Variants in RGS7 observed in about 807,000 individuals in gnomAD.
RGS7 encodes the protein regulator of G-protein signaling 7.
Under a neutral mutation model 81.1 loss-of-function variants are expected in RGS7, and 27 were observed. That is an observed-to-expected ratio of 0.33 (90% CI 0.25 to 0.46). The LOEUF (loss-of-function observed/expected upper bound fraction) is 0.46. RGS7 is among the 20% of genes least tolerant of loss of function. RGS7 has a pLI of 1.00. For missense variants in RGS7, 396 were observed against 607.4 expected, an observed-to-expected ratio of 0.65 and a Z score of 3.66; for synonymous variants, 208 against 207.7, an observed-to-expected ratio of 1.00 and a Z score of -0.01.
At chr1:241,350,523 G>C (rs1194496781) in intron 2 of RGS7, among the ~76,000 whole-genome samples, 2 of 152,032 alleles carry the variant, frequency 1.3e-5, no homozygotes, top group Non-Finnish European at 2.9e-5. Context: ...TCCTTTTCTA[G>C]TGCGTCTTTG....
At chr1:240,838,181 G>A (rs2147863644) in intron 9 of RGS7, among the ~76,000 whole-genome samples, 1 of 152,300 alleles carries the variant, frequency 6.6e-6, no homozygotes, top group Admixed American at 6.5e-5. Context: ...AAGATTTTGT[G>A]TTGGGTGAGG....
intron 3 of RGS7, among the ~76,000 whole-genome samples, chr1:240,998,179 G>C (rs1484004865): frequency 6.6e-6 from 1 of 152,140 alleles, no homozygotes; most frequent in Non-Finnish European, 1.5e-5. Context: ...GCTGTGGTTT[G>C]AATCATTTTT....
In RGS7 at chr1:240,933,124, T is replaced by A. The variant is rs111859159; in HGVS notation, c.334-2356A>T. Among the ~76,000 whole-genome samples the A allele has an allele frequency of 1.1e-3, 157 of 145,942 alleles. 1 individual carries two copies. The highest frequency in any genetic ancestry group is 1.5e-3 in the Non-Finnish European group (100 of 65,446). ...GTCTCCATCTCCTGACCTCGTGATC[T>A]GCCCCCCTCGGCCCCACAAAGTGCT... On this transcript the variant is annotated intron_variant, in intron 5 of 18. Coordinates refer to ENST00000440928, the MANE Select transcript of RGS7 (RefSeq NM_001364886.1).
intron 3 of RGS7, among the ~76,000 whole-genome samples, chr1:241,088,017 TAC>T (rs1201357772): frequency 4.3e-5 from 5 of 115,546 alleles, no homozygotes; most frequent in African/African-American, 1.5e-4. Context: ...CATATATATA[TAC>T]ACACACACAT....
Position 240,777,163 on chromosome 1 carries a change from C to T in RGS7, c.*7-950G>A, listed in dbSNP as rs1326643286. Among the ~76,000 whole-genome samples, 9 of 152,120 alleles carry T rather than the reference C, an allele frequency of 5.9e-5. No individual in the cohort carries two copies. The East Asian group carries it at 7.8e-4, about 13-fold the overall frequency. ...TACAAAAATAAGCCAGGCGTGGTGG[C>T]GGGCACCTGTAATCCCAGCTACTCA... On this transcript the variant is annotated intron_variant, in intron 18 of 18. Coordinates refer to ENST00000440928, the MANE Select transcript of RGS7 (RefSeq NM_001364886.1).
chr1:241,017,091 G>A (rs948151896), intron 3 of RGS7, among the ~76,000 whole-genome samples: 3 of 152,110 alleles, frequency 2.0e-5, no homozygotes, highest in East Asian at 1.9e-4. Context: ...TATTACAAGT[G>A]CAGGTACCTA....
At chr1:241,238,160 T>C (rs928463029) in intron 2 of RGS7, among the ~76,000 whole-genome samples, 1 of 152,060 alleles carries the variant, frequency 6.6e-6, no homozygotes, top group African/African-American at 2.4e-5. Context: ...GTTGTGCAGG[T>C]ATTGTAGAAG....
chr1:240,825,155 C>T (rs1398179348), intron 10 of RGS7, among the ~76,000 whole-genome samples: 1 of 152,166 alleles, frequency 6.6e-6, no homozygotes, highest in African/African-American at 2.4e-5. Flanking sequence ...AACACCTGCA[C>T]CCTTATGAGA....
intron 3 of RGS7, among the ~76,000 whole-genome samples, chr1:241,089,993 CAAAAAAAAAA>C (rs10716500): frequency 5.4e-5 from 5 of 93,046 alleles, no homozygotes; most frequent in Admixed American, 4.0e-4. Context: ...GACTCCATCT[CAAAAAAAAAA>C]AAAAAAAAAG....
chr1:241,106,439 G>A (rs1280129313), intron 2 of RGS7, among the ~76,000 whole-genome samples: 2 of 152,080 alleles, frequency 1.3e-5, no homozygotes, highest in African/African-American at 4.8e-5. Context: ...ACTCAGTGAG[G>A]CATGGTGGCT....
At chr1:240,774,911 T>C (rs1269636724), downstream of RGS7, among the ~76,000 whole-genome samples, 2 of 152,234 alleles carry the variant, frequency 1.3e-5, no homozygotes, top group Non-Finnish European at 2.9e-5. Flanking sequence ...ATTTACATTG[T>C]ATCAGATATT....
intron 2 of RGS7, among the ~76,000 whole-genome samples, chr1:241,311,632 A>G (rs1414582149): frequency 1.3e-5 from 2 of 152,196 alleles, no homozygotes; most frequent in African/African-American, 2.4e-5. Flanking sequence ...GGCGTTTTAT[A>G]TATTTCTATA....
intron 2 of RGS7, among the ~76,000 whole-genome samples, chr1:241,254,043 AC>A (rs752795185): frequency 1.3e-5 from 2 of 152,086 alleles, no homozygotes; most frequent in Non-Finnish European, 2.9e-5. Context: ...CACTAAAAAT[AC>A]AAAAAATTAG....
intron 9 of RGS7, among the ~76,000 whole-genome samples, chr1:240,857,719 T>C (rs968700635): frequency 6.6e-6 from 1 of 152,160 alleles, no homozygotes; most frequent in Admixed American, 6.5e-5. Flanking sequence ...CTCATCCCAT[T>C]CTATCATTGA....
At position 241,144,255 on chromosome 1, in the gene RGS7, T is replaced by C. The variant is rs1250006060; in HGVS notation, c.79-45493A>G. 2.6e-5 allele frequency among the ~76,000 whole-genome samples: 4 copies of C among 152,204 alleles called. No homozygotes were observed. Among genetic ancestry groups the C allele is most frequent in the Non-Finnish European group, 5.9e-5 (4 of 68,032 alleles). On this transcript the variant is annotated intron_variant, in intron 2 of 18. Coordinates refer to ENST00000440928, the MANE Select transcript of RGS7 (RefSeq NM_001364886.1). This position sits in a 1 kb window ranked among gnomAD's most constrained non-coding sequence, Gnocchi z 4.7. ...CTCATCCAAATTGACATACATGTGC[T>C]GGCGCATATGTTGTTTATTTCTCTG...
At chr1:240,898,928 G>C (rs1252558862) in intron 6 of RGS7, among the ~76,000 whole-genome samples, 1 of 152,158 alleles carries the variant, frequency 6.6e-6, no homozygotes, top group Non-Finnish European at 1.5e-5. Flanking sequence ...AAGTCTCTTT[G>C]TAGGTCTCTA....
At chr1:240,787,019 C>T (rs577718892) in intron 18 of RGS7, among the ~76,000 whole-genome samples, 38 of 152,024 alleles carry the variant, frequency 2.5e-4, no homozygotes, top group African/African-American at 7.7e-4. Context: ...AAATTCTATT[C>T]GACAAAAGTG....
intron 2 of RGS7, among the ~76,000 whole-genome samples, chr1:241,125,413 T>C (rs941116698): frequency 7.0e-6 from 1 of 142,696 alleles, no homozygotes; most frequent in Non-Finnish European, 1.5e-5. Flanking sequence ...ATACCCGACA[T>C]GCACAAAGAC....
At chr1:240,877,013 T>C (rs1367389173) in intron 6 of RGS7, among the ~76,000 whole-genome samples, 4 of 152,060 alleles carry the variant, frequency 2.6e-5, no homozygotes, top group Admixed American at 6.6e-5. Context: ...CTTGCTTTTC[T>C]AGGACTATTA....
Sources: gnomAD v4.1 joint callset for allele counts (sites outside exome capture counted in the v4.1 genomes callset) on GRCh38, gnomAD v4.1.1 for gene constraint, Gnocchi (gnomAD v3.1) non-coding constraint, MANE v1.5 for transcripts, NCBI Gene and HGNC (gene_info 2026-07-23, HGNC 2026-07-21) for gene names.